The following PLXNA3 variants were observed in gnomAD, a reference collection of about 807,000 sequenced individuals.
PLXNA3 encodes plexin-A3.
A neutral mutation model predicts 118.8 loss-of-function variants in PLXNA3; 52 were observed. That is an observed-to-expected ratio of 0.44 (90% CI 0.35 to 0.55). The LOEUF (loss-of-function observed/expected upper bound fraction) is 0.55, where lower values mean the gene tolerates loss of function less well. Ranked by LOEUF, PLXNA3 falls within the 20% of genes least tolerant of loss-of-function variation. The pLI is 0.01. For synonymous variants in PLXNA3, 925 were observed against 762.4 expected, an observed-to-expected ratio of 1.21 and a Z score of -3.51; for missense variants, 1,660 against 1,730.8, an observed-to-expected ratio of 0.96 and a Z score of 0.73.
In PLXNA3 at chrX:154,460,253, C is replaced by G. The variant is rs782215325; in HGVS notation, c.70C>G (p.Arg24Gly). 1.7e-6 allele frequency: 2 copies of G among 1,209,489 alleles called. No homozygotes were observed. The highest frequency in any genetic ancestry group is 4.3e-5 in the Admixed American group (2 of 46,108). ...VGGALGNRPF[R>G]AFVVTDTTLT... is the part of the protein sequence containing the mutation. ...GGGGGCCCTGGGCAACAGGCCCTTCCGTGCCTTCGTGGTGACAGACACCAC... is the reference window on the plus strand; with the variant it reads ...GGGGGCCCTGGGCAACAGGCCCTTCGGTGCCTTCGTGGTGACAGACACCAC... The change falls in exon 2 of 33, where the codon CGT (arginine) becomes GGT (glycine). Residue 24 changes from arginine (R) to glycine (G), a missense_variant. Physicochemically the swap from Arg to Gly is moderately radical, Grantham distance 125. Transcript: ENST00000369682.
In PLXNA3 at chrX:154,460,797, C is replaced by G. The variant is rs367881503; in HGVS notation, c.594+20C>G. The G allele has an allele frequency of 3.9e-6, 4 of 1,036,454 alleles. No individual in the cohort carries two copies. In the East Asian group the frequency reaches 9.3e-5, roughly 24 times the overall value. The allele number at this position is 1,036,454 out of a possible 1,213,427, so 85.4% of individuals were successfully genotyped here. A position where few individuals can be genotyped will look rare whatever the true frequency, so the allele number is the denominator to read the frequency against. On this transcript the variant is annotated intron_variant, in intron 2 of 32. Coordinates refer to ENST00000369682, the MANE Select transcript of PLXNA3 (RefSeq NM_017514.5). ...AGTCTCGTGCGTGAGCCTTCCTTCT[C>G]TTCTTCCTCCACCCAGTCCTGGCTC...
In PLXNA3 at chrX:154,468,864, C is replaced by A. The variant is rs782395734; in HGVS notation, c.4329C>A (p.Ile1443=). 8.3e-7 allele frequency: 1 copy of A among 1,211,519 alleles called. No homozygotes were observed. The highest frequency in any genetic ancestry group is 1.1e-6 in the Non-Finnish European group (1 of 895,481). ...GEPLFLLYCA[I]KQQMEKGPID... is the part of the protein sequence containing the mutation. ...CTCTCTTCCTGCTTTACTGTGCCAT[C>A]AAGCAGCAGATGGAGAAGGGCCCCA... Residue 1443 remains isoleucine, a synonymous_variant, in exon 25 of 33, where the codon ATC becomes ATA. Transcript: ENST00000369682.
rs149100691 is a variant in PLXNA3, at chrX:154,460,574, C to T, written c.391C>T (p.Leu131=). ...QFLRLDDLFK[L]GEPHHRKEHY... ...CCTGCGTCTGGACGACCTCTTCAAG[C>T]TGGGTGAGCCGCACCACCGCAAGGA... Residue 131 remains leucine (L), a synonymous_variant, in exon 2 of 33, where the codon CTG becomes TTG. Transcript: ENST00000369682. The T allele has an allele frequency of 1.8e-5, 22 of 1,205,214 alleles. No homozygotes were observed. The African/African-American group carries it at 3.1e-4, about 17-fold the overall frequency.
chrX:154,460,992 C>T (rs1436877029), intron 2 of PLXNA3, 107 bp from the exon 3 acceptor site: 29 of 787,172 alleles, frequency 3.7e-5, no homozygotes, highest in Non-Finnish European at 5.3e-5. Flanking sequence ...CTGGCCTGGG[C>T]CTCTGTGATC....
chrX:154,460,483 G>C lies in PLXNA3; in HGVS notation c.300G>C (p.Leu100=). The C allele has an allele frequency of 8.3e-7, 1 of 1,209,145 alleles. No individual in the cohort carries two copies. Among genetic ancestry groups the C allele is most frequent in the Non-Finnish European group, 1.1e-6 (1 of 894,099 alleles). ...CCGTGGACAACATCAACAAGCTGCT[G>C]CTCATAGACTATGCGGCCCGCCGCC... is the stretch of plus-strand genomic sequence containing the variant. ...LAPVDNINKL[L]LIDYAARRLV... is the part of the protein sequence containing the mutation. Residue 100 remains leucine (L), a synonymous_variant, in exon 2 of 33, where the codon CTG becomes CTC. Coordinates refer to ENST00000369682, the MANE Select transcript of PLXNA3 (RefSeq NM_017514.5).
intron 1 of PLXNA3, among the ~76,000 whole-genome samples, chrX:154,459,765 C>T (rs782522031): frequency 1.8e-5 from 2 of 112,863 alleles, no homozygotes; most frequent in Non-Finnish European, 3.8e-5. Context: ...CCCTCTCCCC[C>T]AGCTTGCGAT....
rs143738443 is a variant in PLXNA3, at chrX:154,463,439, G to A, written c.1366G>A (p.Val456Met). The change falls in exon 5 of 33, where the codon GTG becomes ATG. Residue 456 changes from valine (V) to methionine (M), a missense_variant. Physicochemically the swap from Val to Met is conservative, Grantham distance 21. Transcript: ENST00000369682. Reference protein sequence around the residue: ...QDAHLYETVPVVDGSPILRDL... With the variant: ...QDAHLYETVPMVDGSPILRDL... ...TGCCCACCTGTATGAGACAGTCCCC[G>A]TGGTGGATGGCAGCCCCATCCTCCG... The A allele has an allele frequency of 6.0e-5, 73 of 1,207,009 alleles. No individual in the cohort carries two copies. Among genetic ancestry groups the A allele is most frequent in the East Asian group, 8.9e-5 (3 of 33,707 alleles).
Position 154,460,590 on chromosome X carries a change from A to G in PLXNA3, c.407A>G (p.His136Arg). ...CTCTTCAAGCTGGGTGAGCCGCACC[A>G]CCGCAAGGAGCACTACCTGTCGGGG... The part of the protein sequence containing the change: ...DDLFKLGEPH[H>R]RKEHYLSGAQ... Residue 136 changes from histidine (H) to arginine (R), a missense_variant, in exon 2 of 33, where the codon CAC becomes CGC. His to Arg is a conservative substitution (Grantham distance 29, BLOSUM62 0). Transcript: ENST00000369682. The G allele has an allele frequency of 1.7e-6, 2 of 1,202,845 alleles. No homozygotes were observed. Among genetic ancestry groups the G allele is most frequent in the Non-Finnish European group, 2.2e-6 (2 of 890,480 alleles).
chrX:154,468,076 C>A lies in PLXNA3; in HGVS notation c.3821-6C>A. ...TGCCCACTCATTCCCTCTCTCCACC[C>A]CCCAGCTTTTGCAGAGCTGCAGACG... On this transcript the variant is annotated splice_region_variant and splice_polypyrimidine_tract_variant and intron_variant, in intron 21 of 32. Coordinates refer to ENST00000369682, the MANE Select transcript of PLXNA3 (RefSeq NM_017514.5). 3 of 1,193,029 alleles carry A rather than the reference C, an allele frequency of 2.5e-6. No individual in the cohort carries two copies. The highest frequency in any genetic ancestry group is 3.4e-6 in the Non-Finnish European group (3 of 884,007).
Position 154,463,605 on chromosome X carries a change from G to A in PLXNA3, c.1462G>A (p.Val488Met). The A allele has an allele frequency of 2.5e-6, 3 of 1,199,290 alleles. No homozygotes were observed. Among genetic ancestry groups the A allele is most frequent in the Non-Finnish European group, 2.2e-6 (2 of 891,353 alleles). ...CTGTCCCCAGGTGAGCCAGCTCCCG[G>A]TGGAGACCTGTGAGCAGTACCAGAG... is the stretch of plus-strand genomic sequence containing the variant. Reference protein sequence around the residue: ...LSEKQVSQLPVETCEQYQSCA... With the variant: ...LSEKQVSQLPMETCEQYQSCA... The change falls in exon 6 of 33, where the codon GTG becomes ATG. Residue 488 changes from valine to methionine, a missense_variant. This residue lies in a region of PLXNA3 where 791 missense variants were observed against 652.1 expected (regional missense o/e 1.21). Coordinates refer to ENST00000369682, the MANE Select transcript of PLXNA3 (RefSeq NM_017514.5).
rs782333417 is a variant in PLXNA3, at chrX:154,469,882, G to A, written c.4796-95G>A. ...GAGTGTAGACGGAGGGTCGGCCAGC[G>A]AGGGCAGATGGGTCCCCACATGCTG... On this transcript the variant is annotated intron_variant, in intron 28 of 32. Coordinates refer to ENST00000369682, the MANE Select transcript of PLXNA3 (RefSeq NM_017514.5). 7.6e-5 allele frequency: 84 copies of A among 1,106,083 alleles called. No individual in the cohort carries two copies. The African/African-American group carries it at 1.4e-3, about 19-fold the overall frequency. The allele number at this position is 1,106,083 out of a possible 1,213,427, so 91.2% of individuals were successfully genotyped here.
intron 30 of PLXNA3, 65 bp from the exon 31 acceptor site, chrX:154,471,040 A>C (rs2069176257): frequency 1.1e-6 from 1 of 937,281 alleles, no homozygotes. Context: ...AGAGATGTGC[A>C]CATGGGAGGG....
Position 154,462,109 on chromosome X carries a change from T to C in PLXNA3, c.1135-19T>C. Reference sequence around the variant, plus strand: ...CCTGGGAGCTTTGACTCTCACGGGTTCCTCCTCTGTTTCACCAGCCCATGC... The same window carrying C: ...CCTGGGAGCTTTGACTCTCACGGGTCCCTCCTCTGTTTCACCAGCCCATGC... On this transcript the variant is annotated intron_variant, in intron 3 of 32. Transcript: ENST00000369682. 1 of 1,163,153 alleles carries C rather than the reference T, an allele frequency of 8.6e-7. No individual in the cohort carries two copies. The highest frequency in any genetic ancestry group is 1.8e-5 in the African/African-American group (1 of 55,553).
chrX:154,468,273 C>G (rs1569554620), intron 22 of PLXNA3, 30 bp from the exon 23 acceptor site: 10 of 1,188,715 alleles, frequency 8.4e-6, no homozygotes, highest in Non-Finnish European at 1.1e-5. Flanking sequence ...AGGGCCGCCC[C>G]CACCCTCTGA....
At chrX:154,461,688 C>G (rs782767537) in intron 3 of PLXNA3, 50 bp downstream of exon 3, 9 of 1,095,976 alleles carry the variant, frequency 8.2e-6, no homozygotes, top group Non-Finnish European at 8.5e-6. Flanking sequence ...CCCAGGTCTA[C>G]CATGCCCAGC....
Position 154,462,205 on chromosome X carries a change from G to A in PLXNA3, c.1212G>A (p.Leu404=), listed in dbSNP as rs1326785576. Residue 404 remains leucine (L), a synonymous_variant, in exon 4 of 33, where the codon CTG becomes CTA. Coordinates refer to ENST00000369682, the MANE Select transcript of PLXNA3 (RefSeq NM_017514.5). ...GAGGCCTGCATGTGATCGAGGGGCT[G>A]CCCCTGCTGGCCGACAGCACCGACG... ...PLGGLHVIEG[L]PLLADSTDGM... 8 of 1,202,470 alleles carry A rather than the reference G, an allele frequency of 6.7e-6. No individual in the cohort carries two copies. Among genetic ancestry groups the A allele is most frequent in the Non-Finnish European group, 9.0e-6 (8 of 890,878 alleles).
rs368951851 is a variant in PLXNA3 at position 154,471,111 on chromosome X, G to A, written c.5163G>A (p.Pro1721=). The A allele has an allele frequency of 2.5e-6, 3 of 1,210,173 alleles. No homozygotes were observed. The highest frequency in any genetic ancestry group is 3.4e-6 in the Non-Finnish European group (3 of 894,493). Residue 1721 remains proline, a synonymous_variant, in exon 31 of 33, where the codon CCG becomes CCA. Transcript: ENST00000369682. ...VRHTWKSNCL[P]LRFWVNVIKN... is the part of the protein sequence containing the mutation. ...GTCCCTCTGTTGTCCACAGCCTGCC[G>A]CTGCGCTTCTGGGTGAATGTGATCA...
intron 5 of PLXNA3, 27 bp from the exon 6 acceptor site, chrX:154,463,563 G>GGGGGGGGGGGGGGGC: frequency 5.0e-6 from 5 of 990,537 alleles, no homozygotes; most frequent in African/African-American, 2.2e-5. Context: ...GCGGGGGTGG[G>GGGGGGGGGGGGGGGC]CTGGGTGCTG....
In PLXNA3 at chrX:154,465,060, G is replaced by A. The variant is rs371215404; in HGVS notation, c.2086G>A (p.Val696Ile). 6 of 1,209,620 alleles carry A rather than the reference G, an allele frequency of 5.0e-6. No homozygotes were observed. Among genetic ancestry groups the A allele is most frequent in the African/African-American group, 1.7e-5 (1 of 57,861 alleles). The change falls in exon 11 of 33, where the codon GTT becomes ATT. Residue 696 changes from valine to isoleucine, a missense_variant. Physicochemically the swap from Val to Ile is conservative, Grantham distance 29. Coordinates refer to ENST00000369682, the MANE Select transcript of PLXNA3 (RefSeq NM_017514.5). ...GCCCAGTGGGGACCTCCTGATCCCC[G>A]TTGGGGTCATGCAGCCTCTTACCTT... is the stretch of plus-strand genomic sequence containing the variant. The part of the protein sequence containing the change: ...ILPSGDLLIP[V>I]GVMQPLTLRA...
Sources: gnomAD v4.1 joint callset for allele counts (sites outside exome capture counted in the v4.1 genomes callset) on GRCh38, gnomAD v4.1.1 for gene constraint, gnomAD v4.1.1 regional missense constraint, MANE v1.5 for transcripts, NCBI Gene and HGNC (gene_info 2026-07-23, HGNC 2026-07-21) for gene names.